NRG3: variants seen among roughly 807,000 people sequenced by gnomAD.
NRG3 encodes pro-neuregulin-3, membrane-bound isoform.
A neutral mutation model predicts 66.9 loss-of-function variants in NRG3; 31 were observed. That is an observed-to-expected ratio of 0.46 (90% CI 0.35 to 0.63). The LOEUF is 0.63. Ranked by LOEUF, NRG3 falls within the 20% of genes least tolerant of loss-of-function variation. The probability of loss-of-function intolerance (pLI) is 0.00; values close to 1 mark genes in which losing one functional copy is unlikely to be tolerated. For synonymous variants in NRG3, 393 were observed against 359.4 expected (o/e 1.09, Z -1.06); for missense variants, 910 against 878.9 (o/e 1.04, Z -0.45).
intron 1 of NRG3, among the ~76,000 whole-genome samples, chr10:82,211,509 A>G (rs1315457849): frequency 6.6e-6 from 1 of 152,160 alleles, no homozygotes; most frequent in African/African-American, 2.4e-5. Flanking sequence ...CTTGGCAAAG[A>G]ATGCAATCCC....
At chr10:82,287,301 T>C (rs2079474772) in intron 1 of NRG3, among the ~76,000 whole-genome samples, 1 of 152,042 alleles carries the variant, frequency 6.6e-6, no homozygotes, top group Non-Finnish European at 1.5e-5. Context: ...TGTTTTCGCC[T>C]GTGACTTGCC....
At chr10:81,894,429 CT>C (rs1843324251) in intron 1 of NRG3, among the ~76,000 whole-genome samples, 1 of 152,160 alleles carries the variant, frequency 6.6e-6, no homozygotes, top group South Asian at 2.1e-4. Flanking sequence ...GAGTTTGTTT[CT>C]TCTGAGGCCT....
At chr10:82,064,913 A>G (rs1459883909) in intron 1 of NRG3, among the ~76,000 whole-genome samples, 1 of 152,044 alleles carries the variant, frequency 6.6e-6, no homozygotes, top group African/African-American at 2.4e-5. Context: ...ATACTCTTAA[A>G]TACCCATATA....
chr10:82,184,017 T>C (rs908781522), intron 1 of NRG3, among the ~76,000 whole-genome samples: 11 of 152,122 alleles, frequency 7.2e-5, no homozygotes, highest in African/African-American at 2.7e-4. Context: ...TAGAATTACA[T>C]GAGCAATTAG....
chr10:82,465,708 A>C (rs1405318028), intron 2 of NRG3, among the ~76,000 whole-genome samples: 1 of 152,136 alleles, frequency 6.6e-6, no homozygotes, highest in Admixed American at 6.5e-5. Context: ...GAACAGAACA[A>C]AGTAGTAGGG....
At chr10:82,218,309 C>T (rs1311865086) in intron 1 of NRG3, among the ~76,000 whole-genome samples, 1 of 152,172 alleles carries the variant, frequency 6.6e-6, no homozygotes, top group Non-Finnish European at 1.5e-5. Flanking sequence ...ATTCTTTTCA[C>T]CAGCTGCATT....
At chr10:82,252,307 T>G (rs1589473230) in intron 1 of NRG3, among the ~76,000 whole-genome samples, 1 of 152,212 alleles carries the variant, frequency 6.6e-6, no homozygotes, top group African/African-American at 2.4e-5. Context: ...GCTGATGATA[T>G]AAATTTCACC....
intron 2 of NRG3, among the ~76,000 whole-genome samples, chr10:82,600,402 C>CT (rs1260356639): frequency 2.0e-5 from 3 of 151,956 alleles, no homozygotes; most frequent in South Asian, 2.1e-4. Flanking sequence ...TATTATAGTC[C>CT]TTTTTTTGGA....
chr10:82,874,062 C>G (rs931149875), intron 4 of NRG3, among the ~76,000 whole-genome samples: 44 of 150,102 alleles, frequency 2.9e-4, no homozygotes, highest in Non-Finnish European at 1.3e-4. Flanking sequence ...GTGTTGTACT[C>G]AACGTCTGTG....
intron 1 of NRG3, among the ~76,000 whole-genome samples, chr10:81,967,377 C>T (rs1240329027): frequency 6.7e-6 from 1 of 150,314 alleles, no homozygotes; most frequent in Non-Finnish European, 1.5e-5. Flanking sequence ...AATTTTATTT[C>T]ATAATTGTGA....
intron 1 of NRG3, among the ~76,000 whole-genome samples, chr10:82,247,044 G>A (rs1298927212): frequency 6.6e-6 from 1 of 152,174 alleles, no homozygotes; most frequent in African/African-American, 2.4e-5. Flanking sequence ...AGTGCCAGCT[G>A]CAGAAATTAA....
chr10:81,921,011 G>A (rs1846201711), intron 1 of NRG3, among the ~76,000 whole-genome samples: 1 of 151,884 alleles, frequency 6.6e-6, no homozygotes, highest in Non-Finnish European at 1.5e-5. Context: ...TGTATTTTAT[G>A]GTCAAATGGT....
chr10:82,967,532 C>G (rs1386609464), intron 6 of NRG3, among the ~76,000 whole-genome samples: 1 of 152,084 alleles, frequency 6.6e-6, no homozygotes, highest in African/African-American at 2.4e-5. Context: ...AATGGCTAGG[C>G]GGTGCATTTG....
chr10:82,620,472 C>T (rs1405150223), intron 2 of NRG3, among the ~76,000 whole-genome samples: 1 of 152,130 alleles, frequency 6.6e-6, no homozygotes, highest in Non-Finnish European at 1.5e-5. Flanking sequence ...CCGGCTGGCT[C>T]TTCCCCAAAG....
intron 3 of NRG3, among the ~76,000 whole-genome samples, chr10:82,769,917 C>T (rs935710184): frequency 1.3e-5 from 2 of 152,000 alleles, no homozygotes; most frequent in South Asian, 4.2e-4. Context: ...AATAAACTTG[C>T]CAATTTAGGA....
rs546408751 is a variant in NRG3 at position 82,173,009 on chromosome 10, C to A, written c.824-185730C>A. 2.6e-5 allele frequency among the ~76,000 whole-genome samples: 4 copies of A among 152,234 alleles called. No individual in the cohort carries two copies. In the South Asian group the frequency reaches 8.3e-4, roughly 32 times the overall value. On this transcript the variant is annotated intron_variant, in intron 1 of 8. Coordinates refer to ENST00000372141, the MANE Select transcript of NRG3 (RefSeq NM_001010848.4). ...TATGAAAGTGTCTGTGCAGGAAAATCCATAAGCTAGGGTGACTTTTGAGTT... is the reference window on the plus strand; with the variant it reads ...TATGAAAGTGTCTGTGCAGGAAAATACATAAGCTAGGGTGACTTTTGAGTT...
chr10:82,341,285 G>A (rs757875596), intron 1 of NRG3, among the ~76,000 whole-genome samples: 1 of 152,050 alleles, frequency 6.6e-6, no homozygotes, highest in Non-Finnish European at 1.5e-5. Context: ...CATATGTGTA[G>A]CTTAAAAGAG....
At chr10:82,245,145 C>T (rs186378765) in intron 1 of NRG3, among the ~76,000 whole-genome samples, 4 of 152,170 alleles carry the variant, frequency 2.6e-5, no homozygotes, top group Admixed American at 2.0e-4. Context: ...AGCTTGTGTT[C>T]CTGCAACTAG....
At chr10:82,831,753 G>T (rs2062536124) in intron 3 of NRG3, among the ~76,000 whole-genome samples, 2 of 152,156 alleles carry the variant, frequency 1.3e-5, no homozygotes, top group Non-Finnish European at 2.9e-5. Context: ...GACGGAGGTT[G>T]CAGTGAGCTG....
Sources: gnomAD v4.1 joint callset for allele counts (sites outside exome capture counted in the v4.1 genomes callset) on GRCh38, gnomAD v4.1.1 for gene constraint, MANE v1.5 for transcripts, NCBI Gene and HGNC (gene_info 2026-07-23, HGNC 2026-07-21) for gene names.